NANS: variants seen among roughly 807,000 people sequenced by gnomAD.
NANS encodes N-acetylneuraminate synthase.
In NANS, 29 loss-of-function variants were observed where a neutral mutation model predicts 33.3. The observed-to-expected ratio is 0.87, with a 90% CI of 0.65 to 1.19. The LOEUF (loss-of-function observed/expected upper bound fraction) is 1.19. Ranked by LOEUF, NANS falls within the 50% of genes most tolerant of loss-of-function variation. NANS has a pLI of 0.00. For synonymous variants in NANS, 163 were observed against 177.2 expected (o/e 0.92, Z 0.64); for missense variants, 394 against 461.1 (o/e 0.85, Z 1.33).
rs1715780191 is a variant in NANS, at chr9:98,070,839, C to G, written c.349-6079C>G. 4.0e-5 allele frequency among the ~76,000 whole-genome samples: 6 copies of G among 149,900 alleles called. No homozygotes were observed. The South Asian group carries it at 1.3e-3, about 32-fold the overall frequency. On this transcript the variant is annotated intron_variant, in intron 2 of 5. Coordinates refer to ENST00000210444, the MANE Select transcript of NANS (RefSeq NM_018946.4). Reference sequence around the variant, plus strand: ...TTTTTTTTTGAGACAGGGTCTCACTCTGTTGCCCAGGCTGGAGAGTAGCAG... The same window carrying G: ...TTTTTTTTTGAGACAGGGTCTCACTGTGTTGCCCAGGCTGGAGAGTAGCAG...
chr9:98,056,871 C>A lies in NANS; in HGVS notation c.63C>A (p.Ile21=). 6.2e-7 allele frequency: 1 copy of A among 1,612,300 alleles called. No homozygotes were observed. The highest frequency in any genetic ancestry group is 8.5e-7 in the Non-Finnish European group (1 of 1,179,408). ...TGGGCGGGCAACACCCGTGCTTCAT[C>A]ATTGCCGAGATCGGCCAGAACCACC... The part of the protein sequence containing the change: ...RWVGGQHPCF[I]IAEIGQNHQG... Residue 21 remains isoleucine (I), a synonymous_variant, in exon 1 of 6, where the codon ATC becomes ATA. Transcript: ENST00000210444.
Position 98,080,863 on chromosome 9 carries a change from T to C in NANS, c.651T>C (p.His217=), listed in dbSNP as rs1461264347. 3 of 1,612,126 alleles carry C rather than the reference T, an allele frequency of 1.9e-6. No homozygotes were observed. The highest frequency in any genetic ancestry group is 1.1e-5 in the South Asian group (1 of 90,982). The change falls in exon 5 of 6, where the codon CAT becomes CAC. Residue 217 remains histidine, a synonymous_variant. Coordinates refer to ENST00000210444, the MANE Select transcript of NANS (RefSeq NM_018946.4). ...ACATTCCCATAGGGTATTCTGGGCA[T>C]GAAACAGGCATAGCGATATCTGTGG... ...FPDIPIGYSG[H]ETGIAISVAA... is the part of the protein sequence containing the mutation.
intron 1 of NANS, among the ~76,000 whole-genome samples, chr9:98,060,387 G>A (rs1472543657): frequency 1.3e-5 from 2 of 152,088 alleles, no homozygotes; most frequent in Admixed American, 6.5e-5. Flanking sequence ...TGGTGATGTC[G>A]GCTGGGCGCA....
At chr9:98,082,727 A>T (rs577207082) in intron 5 of NANS, 119 bp from the exon 6 acceptor site, 32 of 849,502 alleles carry the variant, frequency 3.8e-5, no homozygotes, top group East Asian at 2.9e-4. Flanking sequence ...GGGGCAACAG[A>T]GTGCCTGCTC....
In NANS at chr9:98,078,303, G is replaced by A. The variant is rs1010935082; in HGVS notation, c.559G>A (p.Ala187Thr). ...CTTCTGCTTCTTGCAGTGTACCAGC[G>A]CATACCCGCTCCAGCCTGAGGACGT... ...PNFCFLQCTSAYPLQPEDVNL... is the reference protein window; with the variant it reads ...PNFCFLQCTSTYPLQPEDVNL... Residue 187 changes from alanine to threonine, a missense_variant, in exon 4 of 6, where the codon GCA (alanine) becomes ACA (threonine). By Grantham distance (58) the Ala-to-Thr change is moderately conservative. Transcript: ENST00000210444. 3 of 1,613,958 alleles carry A rather than the reference G, an allele frequency of 1.9e-6. No homozygotes were observed. The highest frequency in any genetic ancestry group is 2.7e-5 in the African/African-American group (2 of 74,940).
rs374656906 is a variant in NANS at position 98,080,896 on chromosome 9, G to A, written c.684G>A (p.Val228=). 1,079 of 1,614,182 alleles carry A rather than the reference G, an allele frequency of 6.7e-4. 10 individuals carry two copies. The South Asian group carries it at 0.01, about 15-fold the overall frequency. The part of the protein sequence containing the change: ...ETGIAISVAA[V]ALGAKVLERH... ...GCATAGCGATATCTGTGGCCGCAGT[G>A]GCTCTGGGGGCCAAGGTGTTGGAAC... Residue 228 remains valine, a synonymous_variant, in exon 5 of 6, where the codon GTG becomes GTA. Transcript: ENST00000210444.
chr9:98,074,016 G>A (rs1440591406), intron 2 of NANS, among the ~76,000 whole-genome samples: 2 of 151,922 alleles, frequency 1.3e-5, no homozygotes, highest in Admixed American at 1.3e-4. Context: ...AAACTCCTGG[G>A]CTAAAATGAT....
intron 2 of NANS, among the ~76,000 whole-genome samples, chr9:98,069,080 A>G (rs1478370901): frequency 6.6e-6 from 1 of 152,146 alleles, no homozygotes; most frequent in Non-Finnish European, 1.5e-5. Context: ...ACCAGTTGTC[A>G]TTTGGTAATT....
intron 2 of NANS, among the ~76,000 whole-genome samples, chr9:98,071,836 T>C (rs1310327589): frequency 6.6e-6 from 1 of 152,234 alleles, no homozygotes; most frequent in Non-Finnish European, 1.5e-5. Flanking sequence ...CCACGTTTCC[T>C]GGAAATGCAA....
At chr9:98,059,936 G>A (rs1828929401) in intron 1 of NANS, among the ~76,000 whole-genome samples, 1 of 152,146 alleles carries the variant, frequency 6.6e-6, no homozygotes, top group Non-Finnish European at 1.5e-5. Context: ...AGAGGCATAG[G>A]GCACTGTCCC....
chr9:98,065,483 A>ATTTTTTT (rs397837187), intron 2 of NANS, among the ~76,000 whole-genome samples: 942 of 58,578 alleles, frequency 0.016, 63 homozygotes, highest in Non-Finnish European at 0.019. Flanking sequence ...TGCCCAGCTA[A>ATTTTTTT]TTTTTTTTTT....
Position 98,068,483 on chromosome 9 carries a change from A to G in NANS, c.348+7486A>G, listed in dbSNP as rs556153644. ...CTTTATTTCTCAGTTTTAAACCACA[A>G]TGTGATATCACTGCACAGCTGTCAG... On this transcript the variant is annotated intron_variant, in intron 2 of 5. Coordinates refer to ENST00000210444, the MANE Select transcript of NANS (RefSeq NM_018946.4). Among the ~76,000 whole-genome samples the G allele has an allele frequency of 5.3e-5, 8 of 151,790 alleles. No homozygotes were observed. The South Asian group carries it at 1.0e-3, about 20-fold the overall frequency.
chr9:98,064,271 A>T (rs1587907237), intron 2 of NANS, among the ~76,000 whole-genome samples: 1 of 150,564 alleles, frequency 6.6e-6, no homozygotes, highest in Admixed American at 6.6e-5. Context: ...TTTTTTTTTT[A>T]AAGACGGAGT....
At chr9:98,078,057 C>A (rs757404393) in intron 3 of NANS, 136 bp from the exon 4 acceptor site, 3 of 1,326,684 alleles carry the variant, frequency 2.3e-6, no homozygotes, top group Non-Finnish European at 3.1e-6. Context: ...TCTGTTCCCC[C>A]ACAGGGGCTG....
chr9:98,076,780 T>G (rs1829610154), intron 2 of NANS, 138 bp from the exon 3 acceptor site: 1 of 652,886 alleles, frequency 1.5e-6, no homozygotes, highest in Non-Finnish European at 2.6e-6. Context: ...AACAAATCTT[T>G]GCCTGCTTTC....
chr9:98,073,271 CTTTTTTTTTTTTTTTTTTT>C (rs10606237), intron 2 of NANS, among the ~76,000 whole-genome samples: 2 of 57,826 alleles, frequency 3.5e-5, no homozygotes, highest in Non-Finnish European at 5.9e-5. Flanking sequence ...TCACCATGGG[CTTTTTTTTTTTTTTTTTTT>C]TTTTTTTTTT....
intron 2 of NANS, among the ~76,000 whole-genome samples, chr9:98,073,296 T>TTG (rs1395423676): frequency 2.2e-5 from 3 of 138,740 alleles, no homozygotes; most frequent in Admixed American, 7.3e-5. Flanking sequence ...TTTTTTTTTT[T>TTG]TTTTTTGAGA....
At chr9:98,063,165 C>T (rs1431429510) in intron 2 of NANS, among the ~76,000 whole-genome samples, 1 of 151,572 alleles carries the variant, frequency 6.6e-6, no homozygotes, top group African/African-American at 2.4e-5. Context: ...TGACCTCAGC[C>T]CATCCGCCCG....
intron 1 of NANS, among the ~76,000 whole-genome samples, chr9:98,060,072 G>C (rs778806754): frequency 2.0e-5 from 3 of 152,102 alleles, no homozygotes; most frequent in Non-Finnish European, 2.9e-5. Flanking sequence ...CTAAGAGTTA[G>C]GGTCAAAGTT....
Sources: allele counts gnomAD v4.1 joint callset (sites outside exome capture counted in the v4.1 genomes callset), GRCh38; gene constraint gnomAD v4.1.1; transcripts MANE v1.5; gene names NCBI Gene and HGNC (gene_info 2026-07-23, HGNC 2026-07-21).